Variants in MED1 observed in about 807,000 individuals in gnomAD.
The protein encoded by MED1 is mediator complex subunit 1, also known as mediator of RNA polymerase II transcription subunit 1.
MED1 carries 17 observed loss-of-function variants against 121.3 expected under a neutral mutation model. That is an observed-to-expected ratio of 0.14 (90% CI 0.10 to 0.21). The LOEUF is 0.21. Among genes scored for constraint, MED1 ranks in the 10% least tolerant of loss-of-function variants. MED1 has a pLI of 1.00. For synonymous variants in MED1, 661 were observed against 694.4 expected, an observed-to-expected ratio of 0.95 and a Z score of 0.76; for missense variants, 1,558 against 1,919.4, an observed-to-expected ratio of 0.81 and a Z score of 3.52.
intron 10 of MED1, among the ~76,000 whole-genome samples, chr17:39,425,558 C>A (rs1031625870): frequency 6.6e-6 from 1 of 152,082 alleles, no homozygotes; most frequent in Non-Finnish European, 1.5e-5. Context: ...AATCCCAGCA[C>A]TTTGGGAGGC....
intron 16 of MED1, among the ~76,000 whole-genome samples, chr17:39,414,340 T>TG (rs1490612295): frequency 1.4e-5 from 2 of 147,700 alleles, no homozygotes; most frequent in African/African-American, 4.9e-5. Context: ...AAAACAACAT[T>TG]TTTTTTTTTT....
rs1208017389 is a variant in MED1, at chr17:39,415,291, C to T, written c.1346G>A (p.Arg449His). Residue 449 changes from arginine to histidine, a missense_variant, in exon 15 of 17, where the codon CGT becomes CAT. Arg to His is a conservative substitution (Grantham distance 29, BLOSUM62 0). Coordinates refer to ENST00000300651, the MANE Select transcript of MED1 (RefSeq NM_004774.4). ...AGGGTGCTGAAAAGATACGCTGAAA[C>T]GAGACTCTGAGAGAGGACACACTTC... ...QFEVCPLSES[R>H]FSVSFQHPVN... The T allele has an allele frequency of 8.1e-6, 13 of 1,613,816 alleles. No homozygotes were observed. The highest frequency in any genetic ancestry group is 2.2e-5 in the East Asian group (1 of 44,896).
At chr17:39,445,708 G>A (rs1348015546) in intron 2 of MED1, 3 of 151,982 alleles carry the variant, frequency 2.0e-5, no homozygotes, top group African/African-American at 7.2e-5. Context: ...CATATTTCAA[G>A]CTAGAATTTG....
At chr17:39,422,573 T>G (rs960286949) in intron 13 of MED1, among the ~76,000 whole-genome samples, 3 of 143,388 alleles carry the variant, frequency 2.1e-5, no homozygotes, top group Admixed American at 1.5e-4. Context: ...GCCTCCCGGG[T>G]TAAGTGATTC....
intron 1 of MED1, among the ~76,000 whole-genome samples, chr17:39,448,888 A>G (rs550981723): frequency 2.6e-5 from 4 of 152,294 alleles, no homozygotes; most frequent in African/African-American, 9.6e-5. Flanking sequence ...CAACCTGGGC[A>G]ACAAGAGCAA....
intron 2 of MED1, among the ~76,000 whole-genome samples, chr17:39,446,545 G>A (rs1186170488): frequency 6.6e-6 from 1 of 150,916 alleles, no homozygotes; most frequent in African/African-American, 2.4e-5. Context: ...CAGCACTTTG[G>A]GAGGCAGATC....
At chr17:39,432,420 G>C (rs180695936) in intron 7 of MED1, among the ~76,000 whole-genome samples, 1 of 149,526 alleles carries the variant, frequency 6.7e-6, no homozygotes, top group Non-Finnish European at 1.5e-5. Flanking sequence ...GGCCTAAAGA[G>C]CAAGTCTAAA....
chr17:39,405,824 C>A lies in MED1; in HGVS notation c.*1651G>T. On this transcript the variant is annotated 3_prime_UTR_variant, in exon 17 of 17. Coordinates refer to ENST00000300651, the MANE Select transcript of MED1 (RefSeq NM_004774.4). ...TTTCCAACTCTATGCTGACTCCAACCTGCAGAAAAAGCTGAATATAGAAAT... is the reference window on the plus strand; with the variant it reads ...TTTCCAACTCTATGCTGACTCCAACATGCAGAAAAAGCTGAATATAGAAAT... 1 of 985,924 alleles carries A rather than the reference C, an allele frequency of 1.0e-6. No homozygotes were observed. Among genetic ancestry groups the A allele is most frequent in the Non-Finnish European group, 1.2e-6 (1 of 830,220 alleles). The allele number at this position is 985,924 out of a possible 1,614,324, so 61.1% of individuals were successfully genotyped here. A position where few individuals can be genotyped will look rare whatever the true frequency, so the allele number is the denominator to read the frequency against.
chr17:39,427,089 T>C (rs577721588), intron 10 of MED1, among the ~76,000 whole-genome samples: 69 of 152,292 alleles, frequency 4.5e-4, no homozygotes, highest in African/African-American at 1.6e-3. Flanking sequence ...CCCATCCTTC[T>C]ACACTTTTTA....
intron 13 of MED1, 40 bp downstream of exon 13, chr17:39,423,287 C>T: frequency 6.9e-7 from 1 of 1,443,960 alleles, no homozygotes; most frequent in South Asian, 1.1e-5. Context: ...TGGGTCCAAA[C>T]ATAACCTACA....
At chr17:39,446,777 A>G (rs1222802847) in intron 2 of MED1, among the ~76,000 whole-genome samples, 2 of 143,330 alleles carry the variant, frequency 1.4e-5, no homozygotes, top group Non-Finnish European at 3.1e-5. Context: ...CATCTCAAAG[A>G]AAAAAAAAAA....
At chr17:39,430,927 G>A (rs34983824) in intron 9 of MED1, among the ~76,000 whole-genome samples, 188 bp downstream of exon 9, 7,887 of 151,924 alleles carry the variant, frequency 0.052, 662 homozygotes, top group African/African-American at 0.18. Context: ...GCTGAGGCAT[G>A]AGATTCACTT....
chr17:39,426,955 G>C (rs1237864953), intron 10 of MED1, among the ~76,000 whole-genome samples: 1 of 151,974 alleles, frequency 6.6e-6, no homozygotes, highest in Non-Finnish European at 1.5e-5. Flanking sequence ...CGTTGCCCAG[G>C]CTGGAGTACC....
chr17:39,442,642 C>T (rs2048689481), intron 3 of MED1, among the ~76,000 whole-genome samples: 1 of 148,750 alleles, frequency 6.7e-6, no homozygotes, highest in Non-Finnish European at 1.5e-5. Context: ...TGCTGTGGCT[C>T]GCGCCTGTGA....
At chr17:39,434,345 G>A (rs1462935822) in intron 6 of MED1, 25 bp from the exon 7 acceptor site, 3 of 1,241,652 alleles carry the variant, frequency 2.4e-6, no homozygotes, top group East Asian at 5.2e-5. Context: ...GGGAAGAGGG[G>A]AAAGAGAGGA....
chr17:39,432,606 TAGCC>T (rs2048575702), intron 7 of MED1, among the ~76,000 whole-genome samples: 1 of 147,358 alleles, frequency 6.8e-6, no homozygotes, highest in South Asian at 2.1e-4. Flanking sequence ...AAAAAAAAAT[TAGCC>T]AGGCGTGGCA....
intron 14 of MED1, 137 bp from the exon 15 acceptor site, chr17:39,415,476 C>T: frequency 1.6e-6 from 1 of 639,818 alleles, no homozygotes; most frequent in South Asian, 1.9e-5. Flanking sequence ...GAGTTCAAGA[C>T]CAGCCTGGCC....
chr17:39,436,777 A>T (rs1251110683), intron 6 of MED1, among the ~76,000 whole-genome samples: 19 of 147,414 alleles, frequency 1.3e-4, no homozygotes, highest in Non-Finnish European at 2.4e-4. Flanking sequence ...ATTCTTTATT[A>T]TTTTTTTTTT....
chr17:39,414,825 G>A (rs571129905), intron 16 of MED1, among the ~76,000 whole-genome samples: 11 of 151,216 alleles, frequency 7.3e-5, no homozygotes, highest in Admixed American at 2.0e-4. Context: ...GCCCGCCATC[G>A]CGCCTGACTA....
Sources: allele counts gnomAD v4.1 joint callset (sites outside exome capture counted in the v4.1 genomes callset), GRCh38; gene constraint gnomAD v4.1.1; transcripts MANE v1.5; gene names NCBI Gene and HGNC (gene_info 2026-07-23, HGNC 2026-07-21).